PI4KA: variants seen among roughly 807,000 people sequenced by gnomAD.
The protein encoded by PI4KA is PI4-kinase alpha.
In PI4KA, 122 loss-of-function variants were observed where a neutral mutation model predicts 271.4. That is an observed-to-expected ratio of 0.45 (90% CI 0.39 to 0.52). The LOEUF (loss-of-function observed/expected upper bound fraction) is 0.52. PI4KA is among the 20% of genes least tolerant of loss of function. PI4KA has a pLI of 0.00. For missense variants in PI4KA, 1,969 were observed against 2,769.1 expected (o/e 0.71, Z 6.48); for synonymous variants, 1,041 against 1,078.8 (o/e 0.96, Z 0.69).
At position 20,717,138 on chromosome 22, in the gene PI4KA, C is replaced by G. The variant is rs1055064515; in HGVS notation, c.5317+570G>C. Among the ~76,000 whole-genome samples the G allele has an allele frequency of 2.6e-5, 4 of 151,996 alleles. No individual in the cohort carries two copies. The South Asian group carries it at 8.3e-4, about 32-fold the overall frequency. ...GCGGGTGCCTGCAGTCCCAGCTACT[C>G]GGGAGGCTGAGGCGACACAGCGAAA... On this transcript the variant is annotated intron_variant, in intron 45 of 54. Coordinates refer to ENST00000255882, the MANE Select transcript of PI4KA (RefSeq NM_058004.4).
At position 20,729,329 on chromosome 22, in the gene PI4KA, CG is replaced by C; in HGVS notation, c.4665del (p.Val1556CysfsTer17). 6.2e-7 allele frequency: 1 copy of C among 1,613,446 alleles called. No individual in the cohort carries two copies. The highest frequency in any genetic ancestry group is 8.5e-7 in the Non-Finnish European group (1 of 1,179,676). ...NLAWSISPYL[A>X]VQLPARFKNT... ...GGGGCCCACCTGGCAGGCAGCTGCACGGCTAGGTAGGGAGAGATGCTCCAGG... is the reference window on the plus strand; with the variant it reads ...GGGGCCCACCTGGCAGGCAGCTGCACGCTAGGTAGGGAGAGATGCTCCAGG... On this transcript the variant is annotated frameshift_variant, in exon 39 of 55. Coordinates refer to ENST00000255882, the MANE Select transcript of PI4KA (RefSeq NM_058004.4). LOFTEE classifies it high-confidence loss of function.
At chr22:20,752,479 A>C (rs185170132) in intron 25 of PI4KA, among the ~76,000 whole-genome samples, 1 of 152,222 alleles carries the variant, frequency 6.6e-6, no homozygotes, top group South Asian at 2.1e-4. Flanking sequence ...ACATGTCCCA[A>C]CAGGGTCTGT....
intron 3 of PI4KA, among the ~76,000 whole-genome samples, chr22:20,833,657 G>GTTTTTTT (rs361962): frequency 3.0e-4 from 22 of 73,044 alleles, no homozygotes; most frequent in Admixed American, 3.5e-4. Flanking sequence ...GTTTGTTTTT[G>GTTTTTTT]TTTTTTTTTT....
chr22:20,838,895 A>G (rs1481538684), intron 1 of PI4KA, among the ~76,000 whole-genome samples, 164 bp from the exon 2 acceptor site: 1 of 152,054 alleles, frequency 6.6e-6, no homozygotes, highest in African/African-American at 2.4e-5. Flanking sequence ...TGGCCAACAT[A>G]GTGAGACCCT....
At chr22:20,773,210 A>G (rs1932973936) in intron 19 of PI4KA, among the ~76,000 whole-genome samples, 2 of 151,942 alleles carry the variant, frequency 1.3e-5, no homozygotes, top group Admixed American at 1.3e-4. Flanking sequence ...ACATAGTGAA[A>G]CCCCGTCTCT....
chr22:20,720,289 T>A (rs1433543965), intron 43 of PI4KA, among the ~76,000 whole-genome samples: 1 of 152,200 alleles, frequency 6.6e-6, no homozygotes, highest in Non-Finnish European at 1.5e-5. Context: ...AACCTTTTTT[T>A]TGGCGATCCT....
At chr22:20,856,445 T>A (rs1352581114) in intron 1 of PI4KA, among the ~76,000 whole-genome samples, 1 of 151,738 alleles carries the variant, frequency 6.6e-6, no homozygotes, top group African/African-American at 2.4e-5. Flanking sequence ...TTCTTTTTTT[T>A]TTTTTTTTGA....
intron 19 of PI4KA, among the ~76,000 whole-genome samples, chr22:20,778,327 C>G (rs1468760567): frequency 1.3e-5 from 2 of 151,970 alleles, no homozygotes; most frequent in South Asian, 2.1e-4. Context: ...AGAGCAAAAC[C>G]CCATCTCTAC....
At chr22:20,858,403 C>G (rs868371245) in intron 1 of PI4KA, among the ~76,000 whole-genome samples, 167 bp downstream of exon 1, 35 of 152,190 alleles carry the variant, frequency 2.3e-4, no homozygotes, top group African/African-American at 7.5e-4. Flanking sequence ...CCAGCCCCTC[C>G]CACTAGGGCC....
chr22:20,809,087 G>T (rs1379422903), intron 9 of PI4KA, among the ~76,000 whole-genome samples: 3 of 152,180 alleles, frequency 2.0e-5, no homozygotes, highest in Non-Finnish European at 4.4e-5. Flanking sequence ...ACGTCTGGTG[G>T]TCCTCACAGG....
At position 20,814,134 on chromosome 22, in the gene PI4KA, G is replaced by C. The variant is rs189815131; in HGVS notation, c.857-628C>G. Among the ~76,000 whole-genome samples, 19 of 151,892 alleles carry C rather than the reference G, an allele frequency of 1.3e-4. No individual in the cohort carries two copies. The East Asian group carries it at 3.5e-3, about 28-fold the overall frequency. On this transcript the variant is annotated intron_variant, in intron 7 of 54. Coordinates refer to ENST00000255882, the MANE Select transcript of PI4KA (RefSeq NM_058004.4). ...TTTTTAAAGGTGAAGAGATATGAAA[G>C]CTTGGGGTCCACAGGGCCTCAGAGA...
At chr22:20,837,370 C>CT (rs1924997072) in intron 2 of PI4KA, among the ~76,000 whole-genome samples, 1 of 125,512 alleles carries the variant, frequency 8.0e-6, no homozygotes, top group South Asian at 2.4e-4. Flanking sequence ...GAGTGACACT[C>CT]TAAGAATAAA....
At chr22:20,806,573 G>A (rs1194073541) in intron 10 of PI4KA, among the ~76,000 whole-genome samples, 1 of 151,876 alleles carries the variant, frequency 6.6e-6, no homozygotes, top group African/African-American at 2.4e-5. Context: ...GGGAGGCTGA[G>A]GCACGAGAGA....
chr22:20,781,391 T>TG (rs1933787393), intron 19 of PI4KA, among the ~76,000 whole-genome samples: 1 of 152,198 alleles, frequency 6.6e-6, no homozygotes, highest in Admixed American at 6.5e-5. Context: ...ACCAGGTACC[T>TG]GCAAAGGGCA....
chr22:20,852,962 T>C (rs1451213274), intron 1 of PI4KA, among the ~76,000 whole-genome samples: 1 of 152,116 alleles, frequency 6.6e-6, no homozygotes, highest in Non-Finnish European at 1.5e-5. Flanking sequence ...TCGGGCTGGG[T>C]GCAGCAGCTC....
chr22:20,731,952 G>T (rs1366518649), intron 36 of PI4KA, among the ~76,000 whole-genome samples: 1 of 140,552 alleles, frequency 7.1e-6, no homozygotes, highest in African/African-American at 2.7e-5. Flanking sequence ...AAAAAAAAAA[G>T]TCTGGGCGCG....
intron 1 of PI4KA, among the ~76,000 whole-genome samples, chr22:20,839,556 G>C (rs1441093466): frequency 6.6e-6 from 1 of 152,244 alleles, no homozygotes; most frequent in Non-Finnish European, 1.5e-5. Context: ...GCATGGCCAG[G>C]AGCGGTGGCT....
chr22:20,775,195 A>G (rs540053867), intron 19 of PI4KA, among the ~76,000 whole-genome samples: 92 of 146,848 alleles, frequency 6.3e-4, no homozygotes, highest in African/African-American at 2.1e-3. Flanking sequence ...AGTTCCCAGG[A>G]AAAAAAAAAA....
intron 29 of PI4KA, among the ~76,000 whole-genome samples, chr22:20,747,014 A>T (rs1237829514): frequency 6.6e-6 from 1 of 152,156 alleles, no homozygotes; most frequent in East Asian, 1.9e-4. Context: ...ATTCACATTA[A>T]CCAACAAAAT....
Sources: allele counts gnomAD v4.1 joint callset (sites outside exome capture counted in the v4.1 genomes callset), GRCh38; gene constraint gnomAD v4.1.1; transcripts MANE v1.5; gene names NCBI Gene and HGNC (gene_info 2026-07-23, HGNC 2026-07-21).